LINGO2: variants seen among roughly 807,000 people sequenced by gnomAD.
LINGO2 encodes leucine rich repeat and Ig domain containing 2, also known as leucine-rich repeat and immunoglobulin-like domain-containing nogo receptor-interacting protein 2.
LINGO2 carries 14 observed loss-of-function variants against 30.6 expected under a neutral mutation model. The ratio of observed to expected loss-of-function variants is 0.46; its 90% CI spans 0.30 to 0.72. The LOEUF (loss-of-function observed/expected upper bound fraction) is 0.72, where lower values mean the gene tolerates loss of function less well. Ranked by LOEUF, LINGO2 falls within the 30% of genes least tolerant of loss-of-function variation. The pLI, the probability that LINGO2 is intolerant of heterozygous loss-of-function variation, is 0.07. For missense variants in LINGO2, 729 were observed against 751.7 expected (o/e 0.97, Z 0.35); for synonymous variants, 317 against 288.5 (o/e 1.10, Z -1.00).
intron 4 of LINGO2, among the ~76,000 whole-genome samples, chr9:28,286,385 G>A (rs933708398): frequency 6.6e-6 from 1 of 152,214 alleles, no homozygotes; most frequent in Non-Finnish European, 1.5e-5. Context: ...TTCAGCCGTT[G>A]TGGAAGACAG....
intron 4 of LINGO2, among the ~76,000 whole-genome samples, chr9:28,234,771 G>T (rs1174123255): frequency 6.6e-6 from 1 of 152,172 alleles, no homozygotes; most frequent in African/African-American, 2.4e-5. Context: ...TTGGGACTCA[G>T]ACTGGCTTAC....
the LINGO2 span, among the ~76,000 whole-genome samples, chr9:28,993,759 C>T: frequency 4.3e-4 from 64 of 150,342 alleles, 3 homozygotes; most frequent in Admixed American, 4.6e-4. Context: ...GAACCAAAGA[C>T]AAAAACCACA....
chr9:28,436,752 C>T (rs1158866861), intron 2 of LINGO2, among the ~76,000 whole-genome samples: 1 of 152,196 alleles, frequency 6.6e-6, no homozygotes, highest in East Asian at 1.9e-4. Flanking sequence ...CCACCGCGCC[C>T]GGCCAGGAAG....
At chr9:29,022,832 C>G in the LINGO2 span, among the ~76,000 whole-genome samples, 1 of 152,114 alleles carries the variant, frequency 6.6e-6, no homozygotes, top group Non-Finnish European at 1.5e-5. Context: ...TTGTTACTCT[C>G]TTCGTACATT....
At chr9:29,144,252 G>A in the LINGO2 span, among the ~76,000 whole-genome samples, 2 of 151,238 alleles carry the variant, frequency 1.3e-5, no homozygotes, top group African/African-American at 4.9e-5. Context: ...GCTCCTTTTT[G>A]GTTCCATATA....
the LINGO2 span, among the ~76,000 whole-genome samples, chr9:28,817,236 AT>A: frequency 2.3e-3 from 284 of 123,292 alleles, 2 homozygotes; most frequent in South Asian, 8.4e-4. Flanking sequence ...TTGACTTAAG[AT>A]AAAAAAAAAA....
chr9:28,565,582 C>T (rs750307075), intron 1 of LINGO2, among the ~76,000 whole-genome samples: 5 of 151,178 alleles, frequency 3.3e-5, no homozygotes, highest in Middle Eastern at 3.2e-3. Context: ...GACGGAGTCT[C>T]GCTCTGTCGC....
intron 1 of LINGO2, among the ~76,000 whole-genome samples, chr9:28,654,282 T>A (rs1011890459): frequency 3.9e-5 from 6 of 152,124 alleles, no homozygotes; most frequent in African/African-American, 1.2e-4. Flanking sequence ...CCTAAAGCCC[T>A]TTTATGTACT....
chr9:28,503,512 T>C (rs1223725398), intron 1 of LINGO2, among the ~76,000 whole-genome samples: 1 of 152,014 alleles, frequency 6.6e-6, no homozygotes, highest in Non-Finnish European at 1.5e-5. Flanking sequence ...TCAAAAGGCT[T>C]CTTTTATTAT....
chr9:28,506,409 TATATATATATATACACACACAC>T (rs1388406682), intron 1 of LINGO2, among the ~76,000 whole-genome samples: 1 of 74,226 alleles, frequency 1.3e-5, no homozygotes, highest in African/African-American at 5.2e-5. Context: ...CATATATATA[TATATATATATATACACACACAC>T]ACACACACAC....
At chr9:28,178,015 A>T (rs1268090780) in intron 4 of LINGO2, among the ~76,000 whole-genome samples, 2 of 152,204 alleles carry the variant, frequency 1.3e-5, no homozygotes, top group Non-Finnish European at 2.9e-5. Context: ...GAATCTATGC[A>T]AATAGAGATG....
At chr9:28,708,790 C>CTATCTATCTATCTATCTATCTATCTATCT in the LINGO2 span, among the ~76,000 whole-genome samples, 1 of 75,058 alleles carries the variant, frequency 1.3e-5, no homozygotes, top group East Asian at 4.6e-4. Flanking sequence ...TCTATCTATC[C>CTATCTATCTATCTATCTATCTATCTATCT]ATCTATTATT....
Position 28,148,716 on chromosome 9 carries a change from G to T in LINGO2, c.-86-136311C>A. 6.5e-7 allele frequency: 1 copy of T among 1,533,654 alleles called. No individual in the cohort carries two copies. Among genetic ancestry groups the T allele is most frequent in the South Asian group, 1.2e-5 (1 of 83,950 alleles). On this transcript the variant is annotated intron_variant, in intron 4 of 5. Coordinates refer to ENST00000379992, the Ensembl canonical transcript of LINGO2. This position sits in a 1 kb window ranked among gnomAD's most constrained non-coding sequence, Gnocchi z 5.1. ...GGCCATGGAGTCGCCAGTTCACACAGCCCTGCTGGAGGCATCCTTCCCTTT... is the reference window on the plus strand; with the variant it reads ...GGCCATGGAGTCGCCAGTTCACACATCCCTGCTGGAGGCATCCTTCCCTTT...
the LINGO2 span, among the ~76,000 whole-genome samples, chr9:28,818,572 G>A: frequency 6.6e-6 from 1 of 152,082 alleles, no homozygotes; most frequent in Non-Finnish European, 1.5e-5. Flanking sequence ...TTTTATTAGA[G>A]ACAAGGTTTC....
At chr9:28,000,211 C>T (rs896423678) in intron 5 of LINGO2, among the ~76,000 whole-genome samples, 2 of 152,142 alleles carry the variant, frequency 1.3e-5, no homozygotes, top group Admixed American at 1.3e-4. Flanking sequence ...CTCAAATTGC[C>T]ATATGGCACA....
At chr9:29,191,249 T>C in the LINGO2 span, among the ~76,000 whole-genome samples, 1 of 152,122 alleles carries the variant, frequency 6.6e-6, no homozygotes, top group Non-Finnish European at 1.5e-5. Flanking sequence ...GTCTGTTAGG[T>C]GCATTTAAAT....
intron 4 of LINGO2, among the ~76,000 whole-genome samples, chr9:28,222,755 C>T (rs1268832335): frequency 1.3e-5 from 2 of 152,088 alleles, no homozygotes; most frequent in African/African-American, 4.8e-5. Context: ...GCTAAAACAT[C>T]TAGAAATGAA....
intron 1 of LINGO2, among the ~76,000 whole-genome samples, chr9:28,485,231 AGTTCCT>A (rs1826125520): frequency 6.6e-6 from 1 of 152,162 alleles, no homozygotes; most frequent in African/African-American, 2.4e-5. Context: ...GTGCTTCAGC[AGTTCCT>A]CCAGTCTTCC....
chr9:28,771,452 GGTGTGTGTGTGTGTGTGTGTGT>G, the LINGO2 span, among the ~76,000 whole-genome samples: 23 of 120,368 alleles, frequency 1.9e-4, no homozygotes, highest in African/African-American at 3.9e-4. Context: ...TTTCCTATTT[GGTGTGTGTGTGTGTGTGTGTGT>G]GTGTGTGTGT....
Sources: allele counts gnomAD v4.1 joint callset (sites outside exome capture counted in the v4.1 genomes callset), GRCh38; gene constraint gnomAD v4.1.1; non-coding constraint Gnocchi (gnomAD v3.1); transcripts MANE v1.5; gene names NCBI Gene and HGNC (gene_info 2026-07-23, HGNC 2026-07-21).